HERC2: variants seen among roughly 807,000 people sequenced by gnomAD.
HERC2 encodes the protein HECT and RLD domain containing E3 ubiquitin protein ligase 2.
HERC2 carries 102 observed loss-of-function variants against 537.7 expected under a neutral mutation model. The observed-to-expected ratio is 0.19, with a 90% confidence interval of 0.16 to 0.22. The LOEUF is 0.22. HERC2 is among the 10% of genes least tolerant of loss of function. The pLI is 1.00. For synonymous variants in HERC2, 2,224 were observed against 2,466.2 expected (o/e 0.90, Z 2.91); for missense variants, 4,236 against 6,198.2 (o/e 0.68, Z 10.63).
At chr15:28,286,297 T>A (rs1466303753) in intron 4 of HERC2, among the ~76,000 whole-genome samples, 1 of 152,094 alleles carries the variant, frequency 6.6e-6, no homozygotes, top group South Asian at 2.1e-4. Flanking sequence ...GAAGCTAATA[T>A]TAGGTACTGT....
rs1203479708 is a variant in HERC2 at position 28,207,158 on chromosome 15, T to C, written c.7070-776A>G. ...TCTGATTCTTTCTCTTTTCTTGAGA[T>C]GGAGTCTCACTCTGTTGCCCAGGCT... On this transcript the variant is annotated intron_variant, in intron 44 of 92. Transcript: ENST00000261609. Among the ~76,000 whole-genome samples the C allele has an allele frequency of 2.0e-5, 3 of 151,854 alleles. No individual in the cohort carries two copies. The East Asian group carries it at 5.9e-4, about 30-fold the overall frequency.
intron 4 of HERC2, among the ~76,000 whole-genome samples, chr15:28,284,068 T>G (rs2141076115): frequency 6.6e-6 from 1 of 152,334 alleles, no homozygotes; most frequent in Non-Finnish European, 1.5e-5. Context: ...AATAATTTTG[T>G]GCATGAAACA....
chr15:28,116,066 C>G (rs139914558), intron 88 of HERC2, among the ~76,000 whole-genome samples: 1 of 152,288 alleles, frequency 6.6e-6, no homozygotes, highest in South Asian at 2.1e-4. Context: ...AGCACGTGGC[C>G]GGGGCTGGCT....
intron 78 of HERC2, among the ~76,000 whole-genome samples, chr15:28,140,120 C>T (rs540146244): frequency 8.6e-4 from 131 of 151,814 alleles, no homozygotes; most frequent in African/African-American, 2.9e-3. Flanking sequence ...TTTCAAAACA[C>T]GTAGAAAGAG....
chr15:28,254,677 T>C (rs570326058), intron 19 of HERC2, among the ~76,000 whole-genome samples, 159 bp from the exon 20 acceptor site: 41 of 152,336 alleles, frequency 2.7e-4, no homozygotes, highest in Non-Finnish European at 4.1e-4. Flanking sequence ...TTGGAAACCC[T>C]AACTCAGTTG....
At chr15:28,283,032 CAAAAAAAAAAAAAAAA>C (rs35092122) in intron 4 of HERC2, among the ~76,000 whole-genome samples, 4 of 47,430 alleles carry the variant, frequency 8.4e-5, no homozygotes, top group Non-Finnish European at 1.5e-4. Context: ...AATGTCCCAG[CAAAAAAAAAAAAAAAA>C]AAAAAAAAAA....
In HERC2 at chr15:28,198,388, C is replaced by T. The variant is rs1212335079; in HGVS notation, c.8001G>A (p.Gly2667=). 1.2e-6 allele frequency: 2 copies of T among 1,612,238 alleles called. No homozygotes were observed. The highest frequency in any genetic ancestry group is 8.5e-7 in the Non-Finnish European group (1 of 1,179,830). ...KWGSVTHQSV[G]VVKAFSANGK... ...CCCAGATAATATTACCTTTCACAAC[C>T]CCCACACTCTGATGAGTCACAGATC... Residue 2667 remains glycine (G), a synonymous_variant, in exon 50 of 93, where the codon GGG becomes GGA. Transcript: ENST00000261609.
At chr15:28,130,097 T>C in intron 83 of HERC2, 66 bp downstream of exon 83, 3 of 1,590,508 alleles carry the variant, frequency 1.9e-6, no homozygotes, top group Admixed American at 1.7e-5. Context: ...AGGCTGCGCA[T>C]GTCCTTCATG....
At chr15:28,299,833 C>CG (rs909036637) in intron 2 of HERC2, among the ~76,000 whole-genome samples, 4 of 151,898 alleles carry the variant, frequency 2.6e-5, no homozygotes, top group Admixed American at 6.6e-5. Context: ...GGGCACATCA[C>CG]GGGGGATCAG....
chr15:28,305,303 A>G (rs2076754734), intron 2 of HERC2, among the ~76,000 whole-genome samples: 1 of 152,170 alleles, frequency 6.6e-6, no homozygotes, highest in Non-Finnish European at 1.5e-5. Flanking sequence ...TGACTTCCAC[A>G]ATGGTTGAAC....
intron 5 of HERC2, among the ~76,000 whole-genome samples, chr15:28,277,064 G>A (rs2075893126): frequency 6.6e-6 from 1 of 152,200 alleles, no homozygotes; most frequent in South Asian, 2.1e-4. Context: ...GCATCAGGGT[G>A]AGACCCTGTC....
At chr15:28,221,807 A>G (rs534310226) in intron 36 of HERC2, among the ~76,000 whole-genome samples, 11,981 of 151,020 alleles carry the variant, frequency 0.079, 1,674 homozygotes, top group African/African-American at 0.28. Context: ...GAGTTTCCTG[A>G]AAAGAGCTGC....
In HERC2 at chr15:28,112,172, C is replaced by G. The variant is rs1023273389; in HGVS notation, c.14233-137G>C. 5 of 799,296 alleles carry G rather than the reference C, an allele frequency of 6.3e-6. No homozygotes were observed. The Admixed American group carries it at 1.0e-4, about 17-fold the overall frequency. The allele number at this position is 799,296 out of a possible 1,614,324, so 49.5% of individuals were successfully genotyped here. ...ACAGCAGAAAACATAATCCAAACAA[C>G]TTTAGGAGTAACGAGGAGCAATTAA... On this transcript the variant is annotated intron_variant, in intron 92 of 92. Transcript: ENST00000261609.
chr15:28,235,611 G>C (rs1332306473), intron 26 of HERC2, among the ~76,000 whole-genome samples: 1 of 152,164 alleles, frequency 6.6e-6, no homozygotes, highest in Non-Finnish European at 1.5e-5. Flanking sequence ...TGACACTCCT[G>C]TGTTTTCTGC....
At chr15:28,308,993 G>A (rs1481909293) in intron 2 of HERC2, among the ~76,000 whole-genome samples, 1 of 152,194 alleles carries the variant, frequency 6.6e-6, no homozygotes, top group African/African-American at 2.4e-5. Context: ...AGAGACATTG[G>A]CCTGTAGTAT....
At chr15:28,140,557 C>T (rs918996920) in intron 78 of HERC2, among the ~76,000 whole-genome samples, 1 of 152,028 alleles carries the variant, frequency 6.6e-6, no homozygotes, top group Admixed American at 6.6e-5. Context: ...AATCTCACTC[C>T]GTCACCCAGG....
intron 38 of HERC2, among the ~76,000 whole-genome samples, chr15:28,216,654 G>A (rs1899938333): frequency 2.0e-5 from 3 of 150,058 alleles, no homozygotes; most frequent in African/African-American, 7.4e-5. Flanking sequence ...ACCCTCATAT[G>A]CATCCTCACA....
chr15:28,190,008 TTTC>T (rs1896680754), intron 55 of HERC2, among the ~76,000 whole-genome samples: 2 of 136,366 alleles, frequency 1.5e-5, no homozygotes, highest in African/African-American at 3.4e-5. Context: ...TTTTTCTTTC[TTTC>T]TTTTTTTTTT....
At chr15:28,136,827 G>C (rs1375352188) in intron 78 of HERC2, among the ~76,000 whole-genome samples, 2 of 152,130 alleles carry the variant, frequency 1.3e-5, no homozygotes, top group African/African-American at 2.4e-5. Context: ...CTAGAAAAAG[G>C]ACAAAATGAA....
Sources: allele counts gnomAD v4.1 joint callset (sites outside exome capture counted in the v4.1 genomes callset), GRCh38; gene constraint gnomAD v4.1.1; transcripts MANE v1.5; gene names NCBI Gene and HGNC (gene_info 2026-07-23, HGNC 2026-07-21).